Variants in POLN observed in about 807,000 individuals in gnomAD.
POLN encodes DNA polymerase nu, also known as DNA polymerase N.
POLN carries 108 observed loss-of-function variants against 113.5 expected under a neutral mutation model. That is an observed-to-expected ratio of 0.95 (90% confidence interval 0.81 to 1.12). The LOEUF (loss-of-function observed/expected upper bound fraction) is 1.12, where lower values mean the gene tolerates loss of function less well. Ranked by LOEUF, POLN falls within the 50% of genes most tolerant of loss-of-function variation. The pLI is 0.00. For missense variants in POLN, 1,097 were observed against 1,077.1 expected, an observed-to-expected ratio of 1.02 and a Z score of -0.26; for synonymous variants, 386 against 391.5, an observed-to-expected ratio of 0.99 and a Z score of 0.17.
chr4:2,215,844 G>A (rs1172121479), intron 3 of POLN, among the ~76,000 whole-genome samples: 1 of 152,140 alleles, frequency 6.6e-6, no homozygotes, highest in Non-Finnish European at 1.5e-5. Flanking sequence ...TGGCCTCAAG[G>A]TTGCAAATTA....
intron 23 of POLN, chr4:2,079,296 G>T: frequency 3.4e-6 from 2 of 580,180 alleles, no homozygotes; most frequent in Non-Finnish European, 4.3e-6. Context: ...TTCAGTTCCT[G>T]CCAAGACGGA....
Position 2,208,385 on chromosome 4 carries a change from GT to G in POLN, c.315del (p.Lys105AsnfsTer8). ...RLTDQLSADQ[K>X]QKSISSLTLS... ...AGAGTCAATGAGCTGATGCTCTTCT[GT>G]TTTTGGTCAGCAGACAGCTGATCTG... On this transcript the variant is annotated frameshift_variant, in exon 5 of 26. Transcript: ENST00000511885. LOFTEE classifies it high-confidence loss of function. The G allele has an allele frequency of 6.2e-7, 1 of 1,613,406 alleles. No homozygotes were observed.
intron 19 of POLN, among the ~76,000 whole-genome samples, chr4:2,122,485 G>A (rs945987190): frequency 9.9e-5 from 15 of 152,010 alleles, no homozygotes; most frequent in Non-Finnish European, 2.9e-5. Context: ...CCACAAAACC[G>A]TGCTCAACAT....
Position 2,188,616 on chromosome 4 carries a change from CA to C in POLN, c.1021+4587del, listed in dbSNP as rs1560087370. Among the ~76,000 whole-genome samples, 9 of 90,908 alleles carry C rather than the reference CA, an allele frequency of 9.9e-5. No individual in the cohort carries two copies. The East Asian group carries it at 1.5e-3, about 15-fold the overall frequency. The allele number at this position is 90,908 out of a possible 152,430, so 59.6% of individuals were successfully genotyped here. On this transcript the variant is annotated intron_variant, in intron 7 of 25. Transcript: ENST00000511885. ...ACTCCATCTCAAAAAAAACAAAAAACAAAAAAACAAAACAAAACAAAAAAAA... is the reference window on the plus strand; with the variant it reads ...ACTCCATCTCAAAAAAAACAAAAAACAAAAAACAAAACAAAACAAAAAAAA...
intron 10 of POLN, among the ~76,000 whole-genome samples, 155 bp from the exon 11 acceptor site, chr4:2,174,174 G>T (rs773868017): frequency 2.0e-5 from 3 of 152,350 alleles, no homozygotes; most frequent in Non-Finnish European, 4.4e-5. Flanking sequence ...GATCTGTCAG[G>T]ATCCCTGTGT....
chr4:2,178,704 C>T (rs1324301996), intron 8 of POLN, among the ~76,000 whole-genome samples: 4 of 152,010 alleles, frequency 2.6e-5, no homozygotes, highest in Non-Finnish European at 5.9e-5. Context: ...CTCTGCCTCC[C>T]AGGTTCAAGC....
At chr4:2,194,601 G>A (rs1733531462) in intron 6 of POLN, among the ~76,000 whole-genome samples, 1 of 152,160 alleles carries the variant, frequency 6.6e-6, no homozygotes, top group Non-Finnish European at 1.5e-5. Flanking sequence ...TCCCTTTACT[G>A]CTCCTTCATC....
intron 24 of POLN, among the ~76,000 whole-genome samples, chr4:2,074,447 C>T (rs1039927121): frequency 6.6e-6 from 1 of 152,194 alleles, no homozygotes; most frequent in East Asian, 1.9e-4. Context: ...GGAACAAGGC[C>T]GTTTGGGAAC....
intron 7 of POLN, among the ~76,000 whole-genome samples, chr4:2,183,192 A>G (rs1733186618): frequency 6.6e-6 from 1 of 152,372 alleles, no homozygotes; most frequent in East Asian, 1.9e-4. Context: ...TTACAGTGCT[A>G]TATACAGTGC....
At chr4:2,226,985 C>T (rs769714057) in intron 3 of POLN, among the ~76,000 whole-genome samples, 1 of 152,198 alleles carries the variant, frequency 6.6e-6, no homozygotes, top group East Asian at 1.9e-4. Context: ...AGGAATAAAA[C>T]TGGTGAGAAT....
chr4:2,156,458 CA>C (rs1404277944), intron 16 of POLN: 1 of 490,482 alleles, frequency 2.0e-6, no homozygotes, highest in Non-Finnish European at 4.0e-6. Flanking sequence ...TCAGATACTT[CA>C]ACACATTTCT....
intron 9 of POLN, 97 bp from the exon 10 acceptor site, chr4:2,174,848 A>C: frequency 1.2e-6 from 1 of 847,382 alleles, no homozygotes; most frequent in Non-Finnish European, 1.9e-6. Context: ...TTTGAGACAG[A>C]GTCTTGCTCT....
chr4:2,188,421 A>G lies in POLN; in HGVS notation c.1021+4783T>C, dbSNP rs544405480. The stretch of plus-strand genomic sequence containing the variant: ...CAAGACCATCCTGGCTAACACAGTG[A>G]AACCCCATCTCTACTAAAAATACAA... On this transcript the variant is annotated intron_variant, in intron 7 of 25. Coordinates refer to ENST00000511885, the MANE Select transcript of POLN (RefSeq NM_181808.4). Among the ~76,000 whole-genome samples, 45 of 152,282 alleles carry G rather than the reference A, an allele frequency of 3.0e-4. 1 individual carries two copies. Among genetic ancestry groups the G allele is most frequent in the African/African-American group, 1.1e-3 (44 of 41,568 alleles).
chr4:2,204,991 T>A (rs1437934866), intron 5 of POLN, among the ~76,000 whole-genome samples: 1 of 152,112 alleles, frequency 6.6e-6, no homozygotes, highest in Non-Finnish European at 1.5e-5. Flanking sequence ...TAATACTGAA[T>A]GGAGAAAAGT....
intron 7 of POLN, among the ~76,000 whole-genome samples, chr4:2,187,558 GAT>G (rs1218515180): frequency 6.6e-6 from 1 of 151,912 alleles, no homozygotes; most frequent in African/African-American, 2.4e-5. Context: ...TCTTGAGAAA[GAT>G]ATAAATATCC....
intron 5 of POLN, among the ~76,000 whole-genome samples, chr4:2,200,749 C>G (rs1733689949): frequency 2.0e-5 from 3 of 152,286 alleles, no homozygotes; most frequent in Admixed American, 1.3e-4. Context: ...TCTGACAGAG[C>G]CTACCCAAAT....
At chr4:2,072,438 C>G in intron 25 of POLN, 139 bp from the exon 26 acceptor site, 1 of 712,846 alleles carries the variant, frequency 1.4e-6, no homozygotes. Context: ...CACACGCACA[C>G]ATGTGCATAC....
chr4:2,198,204 T>G (rs1159592285), intron 6 of POLN, among the ~76,000 whole-genome samples: 3 of 152,122 alleles, frequency 2.0e-5, no homozygotes, highest in Non-Finnish European at 4.4e-5. Context: ...ATAAGGAAAA[T>G]CATCTGGGAC....
chr4:2,182,131 A>G (rs1398818953), intron 7 of POLN, among the ~76,000 whole-genome samples: 1 of 152,234 alleles, frequency 6.6e-6, no homozygotes, highest in African/African-American at 2.4e-5. Context: ...CCCATACATC[A>G]GTGGTTGATT....
Sources: gnomAD v4.1 joint callset for allele counts (sites outside exome capture counted in the v4.1 genomes callset) on GRCh38, gnomAD v4.1.1 for gene constraint, MANE v1.5 for transcripts, NCBI Gene and HGNC (gene_info 2026-07-23, HGNC 2026-07-21) for gene names.